TBX15: variants seen among roughly 807,000 people sequenced by gnomAD.
The protein encoded by TBX15 is T-box transcription factor TBX15.
In TBX15, 18 loss-of-function variants were observed where a neutral mutation model predicts 53.9. The ratio of observed to expected loss-of-function variants is 0.33; its 90% confidence interval spans 0.23 to 0.49. TBX15 has a LOEUF of 0.49. TBX15 is among the 20% of genes least tolerant of loss of function. The pLI is 0.98. For synonymous variants in TBX15, 295 were observed against 278.0 expected, an observed-to-expected ratio of 1.06 and a Z score of -0.61; for missense variants, 692 against 749.5, an observed-to-expected ratio of 0.92 and a Z score of 0.90.
At chr1:118,961,220 C>G (rs984222) in intron 1 of TBX15, among the ~76,000 whole-genome samples, 85,107 of 152,010 alleles carry the variant, frequency 0.56, 24,613 homozygotes, top group Non-Finnish European at 0.61. Flanking sequence ...GACACCCATC[C>G]CCCTGTGTTT....
chr1:118,889,981 G>A (rs1654081687), intron 7 of TBX15, among the ~76,000 whole-genome samples: 1 of 152,174 alleles, frequency 6.6e-6, no homozygotes, highest in Non-Finnish European at 1.5e-5. Context: ...GAAGAGTGAA[G>A]GAAGGAGAAA....
intron 5 of TBX15, among the ~76,000 whole-genome samples, chr1:118,920,690 T>C (rs1050398762): frequency 6.6e-6 from 1 of 152,112 alleles, no homozygotes; most frequent in Non-Finnish European, 1.5e-5. Context: ...TTGTGAGACA[T>C]TAAGCTTGCA....
At chr1:118,893,076 A>C (rs1270815173) in intron 7 of TBX15, among the ~76,000 whole-genome samples, 1 of 151,636 alleles carries the variant, frequency 6.6e-6, no homozygotes, top group Non-Finnish European at 1.5e-5. Flanking sequence ...ACGTCTCTAC[A>C]AAAAATACAA....
chr1:118,892,426 G>C (rs1654177926), intron 7 of TBX15, among the ~76,000 whole-genome samples: 1 of 152,042 alleles, frequency 6.6e-6, no homozygotes, highest in African/African-American at 2.4e-5. Flanking sequence ...TAAACAAAAA[G>C]GTAATTTCAA....
At chr1:118,962,425 T>A (rs1377834664) in intron 1 of TBX15, among the ~76,000 whole-genome samples, 3 of 152,106 alleles carry the variant, frequency 2.0e-5, no homozygotes, top group African/African-American at 7.2e-5. Context: ...TAAAGCAGGC[T>A]ACTTACTCTT....
At chr1:118,921,253 A>AT (rs1655416985) in intron 5 of TBX15, among the ~76,000 whole-genome samples, 3 of 152,172 alleles carry the variant, frequency 2.0e-5, no homozygotes, top group Admixed American at 2.0e-4. Flanking sequence ...ATCTTGGGGA[A>AT]TATTTTATTT....
Position 118,954,596 on chromosome 1 carries a change from A to C in TBX15, c.206-22764T>G, listed in dbSNP as rs537133500. ...CAGGACAAAGTCAATAAAGTTCACT[A>C]TGCTCCAACTCCTGATTAACCATAT... is the stretch of plus-strand genomic sequence containing the variant. On this transcript the variant is annotated intron_variant, in intron 1 of 7. Coordinates refer to ENST00000369429, the MANE Select transcript of TBX15 (RefSeq NM_001330677.2). 2.0e-5 allele frequency among the ~76,000 whole-genome samples: 3 copies of C among 152,366 alleles called. No individual in the cohort carries two copies. In the East Asian group the frequency reaches 5.8e-4, roughly 29 times the overall value.
rs1653780503 is a variant in TBX15, at chr1:118,883,201, C to T, written c.*1531G>A. The T allele has an allele frequency of 6.6e-6, 1 of 152,540 alleles. No individual in the cohort carries two copies. The highest frequency in any genetic ancestry group is 1.5e-5 in the Non-Finnish European group (1 of 68,026). 9.4% of individuals were successfully genotyped at this position (152,540 alleles called of 1,614,324 possible). A position where few individuals can be genotyped will look rare whatever the true frequency, so the allele number is the denominator to read the frequency against. On this transcript the variant is annotated 3_prime_UTR_variant, in exon 8 of 8. Transcript: ENST00000369429. ...TTCATATTCATAATATTGGATTCCCCACTAGGCACATAAATACATTTATCT... is the reference window on the plus strand; with the variant it reads ...TTCATATTCATAATATTGGATTCCCTACTAGGCACATAAATACATTTATCT...
At chr1:118,958,620 C>G (rs1346505925) in intron 1 of TBX15, among the ~76,000 whole-genome samples, 1 of 152,134 alleles carries the variant, frequency 6.6e-6, no homozygotes, top group Non-Finnish European at 1.5e-5. Context: ...CCCTAACAAA[C>G]ACAGTCTATG....
intron 6 of TBX15, among the ~76,000 whole-genome samples, chr1:118,904,347 C>A (rs751874112): frequency 3.3e-5 from 5 of 152,142 alleles, no homozygotes; most frequent in Non-Finnish European, 7.4e-5. Context: ...TTCTCCTTCA[C>A]TGGATCTGAA....
At chr1:118,983,823 C>CTCTGTGCGG (rs1657726933) in intron 1 of TBX15, among the ~76,000 whole-genome samples, 2 of 152,094 alleles carry the variant, frequency 1.3e-5, no homozygotes, top group African/African-American at 4.8e-5. Flanking sequence ...GCGGTCTGAG[C>CTCTGTGCGG]TCCGGCCTGT....
At chr1:118,961,706 T>A (rs1656879439) in intron 1 of TBX15, among the ~76,000 whole-genome samples, 1 of 152,222 alleles carries the variant, frequency 6.6e-6, no homozygotes, top group South Asian at 2.1e-4. Context: ...GAGTATCATG[T>A]GTCTAACCCC....
At chr1:118,905,319 T>A (rs1654777849) in intron 6 of TBX15, among the ~76,000 whole-genome samples, 2 of 152,182 alleles carry the variant, frequency 1.3e-5, no homozygotes, top group Admixed American at 1.3e-4. Flanking sequence ...AAGACGTCTC[T>A]CTGTTCGATG....
intron 1 of TBX15, among the ~76,000 whole-genome samples, chr1:118,944,272 A>G (rs1488327265): frequency 6.6e-6 from 1 of 152,088 alleles, no homozygotes; most frequent in Non-Finnish European, 1.5e-5. Context: ...ATTTTTTATG[A>G]TGGCCAAGAA....
At chr1:118,985,101 G>C (rs1463920087) in intron 1 of TBX15, among the ~76,000 whole-genome samples, 9 of 152,146 alleles carry the variant, frequency 5.9e-5, no homozygotes, top group Admixed American at 5.9e-4. Context: ...GTGTGCGTGT[G>C]TGTTTGTGTG....
At chr1:118,941,135 C>T (rs1157435804) in intron 1 of TBX15, among the ~76,000 whole-genome samples, 3 of 152,158 alleles carry the variant, frequency 2.0e-5, no homozygotes, top group Non-Finnish European at 4.4e-5. Flanking sequence ...CACTTCCAAC[C>T]TCCCACCACC....
At chr1:118,925,298 G>A (rs1442219527) in intron 3 of TBX15, among the ~76,000 whole-genome samples, 1 of 152,154 alleles carries the variant, frequency 6.6e-6, no homozygotes, top group East Asian at 1.9e-4. Context: ...CCTATAAAAT[G>A]CAGCCATGTG....
chr1:118,921,451 A>C (rs1044690572), intron 5 of TBX15, among the ~76,000 whole-genome samples: 2 of 152,210 alleles, frequency 1.3e-5, no homozygotes, highest in Non-Finnish European at 2.9e-5. Flanking sequence ...TGCAGAAAAA[A>C]AGAAGGATAA....
In TBX15 at chr1:118,947,207, C is replaced by T. The variant is rs1656375230; in HGVS notation, c.206-15375G>A. 2.0e-5 allele frequency among the ~76,000 whole-genome samples: 3 copies of T among 152,326 alleles called. No homozygotes were observed. The South Asian group carries it at 6.2e-4, about 32-fold the overall frequency. On this transcript the variant is annotated intron_variant, in intron 1 of 7. Transcript: ENST00000369429. The stretch of plus-strand genomic sequence containing the variant: ...GGCCTGCCAAGGCTTTCCTAAAGGC[C>T]ATGGCAATGGAGCCTGCCCATGAGA...
Sources: allele counts gnomAD v4.1 joint callset (sites outside exome capture counted in the v4.1 genomes callset), GRCh38; gene constraint gnomAD v4.1.1; transcripts MANE v1.5; gene names NCBI Gene and HGNC (gene_info 2026-07-23, HGNC 2026-07-21).